SLC35F1: variants seen among roughly 807,000 people sequenced by gnomAD.
The protein encoded by SLC35F1 is chromosome 6 open reading frame 169.
In SLC35F1, 14 loss-of-function variants were observed where a neutral mutation model predicts 48.7. The ratio of observed to expected loss-of-function variants is 0.29; its 90% confidence interval spans 0.19 to 0.45. SLC35F1 has a LOEUF of 0.45. Among genes scored for constraint, SLC35F1 ranks in the 20% least tolerant of loss-of-function variants. SLC35F1 has a pLI of 1.00. For missense variants in SLC35F1, 404 were observed against 500.0 expected, an observed-to-expected ratio of 0.81 and a Z score of 1.83; for synonymous variants, 190 against 202.2, an observed-to-expected ratio of 0.94 and a Z score of 0.51.
At chr6:118,116,718 T>G (rs1212733318) in intron 1 of SLC35F1, among the ~76,000 whole-genome samples, 1 of 152,210 alleles carries the variant, frequency 6.6e-6, no homozygotes, top group Admixed American at 6.5e-5. Context: ...CTTTTCTTTG[T>G]GGCCAACTTC....
intron 1 of SLC35F1, among the ~76,000 whole-genome samples, chr6:118,151,536 G>T (rs564840530): frequency 6.6e-6 from 1 of 152,144 alleles, no homozygotes; most frequent in Middle Eastern, 3.4e-3. Context: ...TTTATAAGAG[G>T]TGGGGTCTTG....
chr6:117,908,739 A>C (rs1221296608), intron 1 of SLC35F1, among the ~76,000 whole-genome samples: 1 of 152,210 alleles, frequency 6.6e-6, no homozygotes, highest in African/African-American at 2.4e-5. Flanking sequence ...TTTTCTACTT[A>C]AGTAACTTGA....
At chr6:118,251,491 AAAG>A (rs1179817927) in intron 3 of SLC35F1, among the ~76,000 whole-genome samples, 11 of 152,306 alleles carry the variant, frequency 7.2e-5, no homozygotes, top group South Asian at 2.1e-4. Flanking sequence ...GGAAATGAGC[AAAG>A]AAGAAGATGA....
rs367733132 is a variant in SLC35F1, at chr6:118,130,904, T to G, written c.174-23541T>G. ...AGAAATGATGTAAAGATTTTATAAA[T>G]ATTTTATGTTGTCTATAAGTAGAAA... On this transcript the variant is annotated intron_variant, in intron 1 of 7. Coordinates refer to ENST00000360388, the MANE Select transcript of SLC35F1 (RefSeq NM_001029858.4). 3.9e-5 allele frequency among the ~76,000 whole-genome samples: 6 copies of G among 152,224 alleles called. No homozygotes were observed. The East Asian group carries it at 1.2e-3, about 29-fold the overall frequency.
chr6:117,917,137 A>T (rs1028408243), intron 1 of SLC35F1, among the ~76,000 whole-genome samples: 12 of 152,192 alleles, frequency 7.9e-5, no homozygotes, highest in Admixed American at 2.0e-4. Flanking sequence ...AGCTAAGATT[A>T]GAATAGCCAA....
At chr6:117,982,546 G>A (rs1347401895) in intron 1 of SLC35F1, among the ~76,000 whole-genome samples, 1 of 152,202 alleles carries the variant, frequency 6.6e-6, no homozygotes, top group East Asian at 1.9e-4. Flanking sequence ...ATTAGCAGTG[G>A]TGAATAATGT....
chr6:118,096,354 A>T (rs566148296), intron 1 of SLC35F1, among the ~76,000 whole-genome samples: 1 of 152,214 alleles, frequency 6.6e-6, no homozygotes, highest in Non-Finnish European at 1.5e-5. Flanking sequence ...AATCCAGTGA[A>T]TGTGAGTTAA....
rs200360220 is a variant in SLC35F1, at chr6:118,314,288, T to C, written c.*36T>C. On this transcript the variant is annotated 3_prime_UTR_variant, in exon 8 of 8. Transcript: ENST00000360388. ...GCCCTGCCAACTGAGGCCAACTCAT[T>C]GGCCATGTTTTTGCCCATCATCTCT... 8.8e-6 allele frequency: 14 copies of C among 1,591,802 alleles called. No individual in the cohort carries two copies. The highest frequency in any genetic ancestry group is 5.0e-5 in the Admixed American group (3 of 59,644).
At chr6:118,194,927 G>A (rs1426258849) in intron 2 of SLC35F1, among the ~76,000 whole-genome samples, 2 of 152,020 alleles carry the variant, frequency 1.3e-5, no homozygotes, top group Admixed American at 6.6e-5. Flanking sequence ...TGGAACCCCA[G>A]GCAGAAGCCT....
chr6:117,955,135 T>A (rs1381892698), intron 1 of SLC35F1, among the ~76,000 whole-genome samples: 1 of 152,200 alleles, frequency 6.6e-6, no homozygotes, highest in Non-Finnish European at 1.5e-5. Flanking sequence ...ACTAACATTT[T>A]TACATGACAT....
At chr6:118,260,075 T>A (rs1775693617) in intron 3 of SLC35F1, among the ~76,000 whole-genome samples, 1 of 152,122 alleles carries the variant, frequency 6.6e-6, no homozygotes, top group South Asian at 2.1e-4. Context: ...ATGAACAACA[T>A]GGATGAACCA....
chr6:118,011,275 C>A (rs1490285114), intron 1 of SLC35F1, among the ~76,000 whole-genome samples: 2 of 152,138 alleles, frequency 1.3e-5, no homozygotes, highest in Non-Finnish European at 2.9e-5. Flanking sequence ...GTTTAATTGG[C>A]TCACAGTTTC....
chr6:118,226,341 C>G (rs1314927082), intron 2 of SLC35F1, among the ~76,000 whole-genome samples: 1 of 152,190 alleles, frequency 6.6e-6, no homozygotes, highest in African/African-American at 2.4e-5. Context: ...ACCATATGAT[C>G]CAGCAATTCC....
At chr6:118,095,463 G>A (rs536159439) in intron 1 of SLC35F1, among the ~76,000 whole-genome samples, 1 of 152,110 alleles carries the variant, frequency 6.6e-6, no homozygotes, top group Non-Finnish European at 1.5e-5. Context: ...TAGACAACAT[G>A]CTTGACAGGA....
intron 1 of SLC35F1, among the ~76,000 whole-genome samples, chr6:118,079,616 G>A (rs1772875348): frequency 6.6e-6 from 1 of 152,186 alleles, no homozygotes; most frequent in South Asian, 2.1e-4. Context: ...CTCCATACGT[G>A]ACTGAAGTGG....
intron 1 of SLC35F1, among the ~76,000 whole-genome samples, chr6:118,112,051 CCTTT>C (rs373577199): frequency 7.1e-6 from 1 of 141,592 alleles, no homozygotes; most frequent in African/African-American, 3.0e-5. Flanking sequence ...AGAACAAAGG[CCTTT>C]CTTTCTTTCT....
At chr6:118,300,861 T>C (rs1435376905) in intron 7 of SLC35F1, among the ~76,000 whole-genome samples, 1 of 152,214 alleles carries the variant, frequency 6.6e-6, no homozygotes, top group Non-Finnish European at 1.5e-5. Flanking sequence ...TCCTCAGCTT[T>C]AGCAATGTGA....
At chr6:118,122,588 T>C (rs1773567498) in intron 1 of SLC35F1, among the ~76,000 whole-genome samples, 1 of 152,200 alleles carries the variant, frequency 6.6e-6, no homozygotes, top group African/African-American at 2.4e-5. Context: ...GCGTTTAGTA[T>C]ACTACCTTGC....
intron 1 of SLC35F1, among the ~76,000 whole-genome samples, chr6:117,923,966 G>A (rs972902210): frequency 7.3e-5 from 11 of 149,888 alleles, no homozygotes; most frequent in Non-Finnish European, 1.5e-4. Context: ...TACATATATA[G>A]GGAATAGAAT....
Sources: allele counts gnomAD v4.1 joint callset (sites outside exome capture counted in the v4.1 genomes callset), GRCh38; gene constraint gnomAD v4.1.1; transcripts MANE v1.5; gene names NCBI Gene and HGNC (gene_info 2026-07-23, HGNC 2026-07-21).